RBM33: variants seen among roughly 807,000 people sequenced by gnomAD.
RBM33 encodes the protein RNA binding motif protein 33, also known as RNA-binding protein 33.
In RBM33, 28 loss-of-function variants were observed where a neutral mutation model predicts 132.6. The observed-to-expected ratio is 0.21, with a 90% CI of 0.16 to 0.29. The LOEUF (loss-of-function observed/expected upper bound fraction) is 0.29. Ranked by LOEUF, RBM33 falls within the 10% of genes least tolerant of loss-of-function variation. The pLI, the probability that RBM33 is intolerant of heterozygous loss-of-function variation, is 1.00. For synonymous variants in RBM33, 634 were observed against 593.0 expected (o/e 1.07, Z -1.01); for missense variants, 1,291 against 1,518.5 (o/e 0.85, Z 2.49).
rs777250309 is a variant in RBM33, at chr7:155,709,560, A to C, written c.949-1643A>C. On this transcript the variant is annotated intron_variant, in intron 7 of 17. Coordinates refer to ENST00000401878, the MANE Select transcript of RBM33 (RefSeq NM_053043.3). The stretch of plus-strand genomic sequence containing the variant: ...GTACCTCTCCAGACACATGTTTCAC[A>C]GGCCCTGAATGTCACTTGTTTAATC... Among the ~76,000 whole-genome samples the C allele has an allele frequency of 2.6e-5, 4 of 152,280 alleles. No individual in the cohort carries two copies. The East Asian group carries it at 7.7e-4, about 29-fold the overall frequency.
At chr7:155,696,462 T>G (rs749795515) in intron 5 of RBM33, among the ~76,000 whole-genome samples, 1 of 152,214 alleles carries the variant, frequency 6.6e-6, no homozygotes, top group Non-Finnish European at 1.5e-5. Flanking sequence ...CTAGAAACAT[T>G]CAGGACAGAC....
At chr7:155,653,484 G>T (rs143033619) in intron 1 of RBM33, among the ~76,000 whole-genome samples, 1 of 151,872 alleles carries the variant, frequency 6.6e-6, no homozygotes, top group African/African-American at 2.4e-5. Context: ...GCGGGGGTGG[G>T]GGCCCTAGAT....
At chr7:155,686,367 A>G (rs763091790) in intron 5 of RBM33, among the ~76,000 whole-genome samples, 36 of 152,232 alleles carry the variant, frequency 2.4e-4, no homozygotes, top group Non-Finnish European at 4.6e-4. Flanking sequence ...AGGAGAGAGA[A>G]GTAGACAGAA....
chr7:155,775,569 C>T lies in RBM33; in HGVS notation c.*528C>T. The stretch of plus-strand genomic sequence containing the variant: ...AAAATTTGGGTGATTGTTGATTGAC[C>T]TTTGCATACCCTGGAAAGCCAGGGT... On this transcript the variant is annotated 3_prime_UTR_variant, in exon 18 of 18. Transcript: ENST00000401878. The T allele has an allele frequency of 6.0e-6, 1 of 167,676 alleles. No homozygotes were observed. The highest frequency in any genetic ancestry group is 2.4e-5 in the African/African-American group (1 of 41,968). 10.4% of individuals were successfully genotyped at this position (167,676 alleles called of 1,614,324 possible). A position where few individuals can be genotyped will look rare whatever the true frequency, so the allele number is the denominator to read the frequency against.
chr7:155,647,490 G>A (rs756632310), intron 1 of RBM33, among the ~76,000 whole-genome samples: 5 of 152,056 alleles, frequency 3.3e-5, no homozygotes, highest in Non-Finnish European at 4.4e-5. Context: ...GAGTGCAGTC[G>A]TATAATCATG....
intron 5 of RBM33, among the ~76,000 whole-genome samples, chr7:155,692,501 T>C (rs116452270): frequency 4.9e-4 from 75 of 152,236 alleles, no homozygotes; most frequent in African/African-American, 1.7e-3. Flanking sequence ...ACATTCAGGG[T>C]TTCCTGTGCA....
At position 155,707,209 on chromosome 7, in the gene RBM33, T is replaced by C. The variant is rs1164546955; in HGVS notation, c.948+141T>C. 11 of 785,364 alleles carry C rather than the reference T, an allele frequency of 1.4e-5. No homozygotes were observed. The Admixed American group carries it at 2.2e-4, about 16-fold the overall frequency. 48.6% of individuals were successfully genotyped at this position (785,364 alleles called of 1,614,324 possible). On this transcript the variant is annotated intron_variant, in intron 7 of 17. Transcript: ENST00000401878. ...CAGGGGTAATGGCTGAAGTTTCTGC[T>C]TTATAGTCTCATGTGATGTTGCATA...
At chr7:155,762,210 G>T (rs1802060328) in intron 14 of RBM33, among the ~76,000 whole-genome samples, 1 of 152,164 alleles carries the variant, frequency 6.6e-6, no homozygotes, top group Non-Finnish European at 1.5e-5. Context: ...TCCTCATTAG[G>T]TTTCTCAGAT....
chr7:155,696,088 T>TTTTCTGTTG (rs879816646), intron 5 of RBM33, among the ~76,000 whole-genome samples: 3 of 152,216 alleles, frequency 2.0e-5, no homozygotes, highest in Admixed American at 1.3e-4. Flanking sequence ...TCTGGTTCTC[T>TTTTCTGTTG]TTTCTGTTGT....
rs757972490 is a variant in RBM33 at position 155,698,899 on chromosome 7, T to C, written c.568-1874T>C. ...TTTGGATGTACAAGAGTTTATCCAT[T>C]CATTCATTGAAGGACATTTAAGTGT... is the stretch of plus-strand genomic sequence containing the variant. On this transcript the variant is annotated intron_variant, in intron 5 of 17. Coordinates refer to ENST00000401878, the MANE Select transcript of RBM33 (RefSeq NM_053043.3). Among the ~76,000 whole-genome samples, 7 of 152,244 alleles carry C rather than the reference T, an allele frequency of 4.6e-5. 1 individual carries two copies. The highest frequency in any genetic ancestry group is 8.8e-5 in the Non-Finnish European group (6 of 68,042).
In RBM33 at chr7:155,644,717, A is replaced by G. The variant is rs901756603; in HGVS notation, c.-160A>G. On this transcript the variant is annotated 5_prime_UTR_variant, in exon 1 of 18. Coordinates refer to ENST00000401878, the MANE Select transcript of RBM33 (RefSeq NM_053043.3). ...TTGTTGTTTTCTTCCTGCGGAGGCG[A>G]AGGGCCAGCTGTGGACCGCGAAGCG... 11 of 508,378 alleles carry G rather than the reference A, an allele frequency of 2.2e-5. No individual in the cohort carries two copies. In the African/African-American group the frequency reaches 2.2e-4, roughly 10 times the overall value. 31.5% of individuals were successfully genotyped at this position (508,378 alleles called of 1,614,324 possible). A position where few individuals can be genotyped will look rare whatever the true frequency, so the allele number is the denominator to read the frequency against.
intron 12 of RBM33, among the ~76,000 whole-genome samples, chr7:155,740,229 AC>A (rs1801285630): frequency 2.6e-5 from 4 of 152,044 alleles, no homozygotes; most frequent in South Asian, 2.1e-4. Flanking sequence ...TTGATAAGAT[AC>A]TCCTTTTGTG....
chr7:155,709,247 C>G (rs545847563), intron 7 of RBM33, among the ~76,000 whole-genome samples: 1 of 152,058 alleles, frequency 6.6e-6, no homozygotes, highest in African/African-American at 2.4e-5. Context: ...GTACAGTGCA[C>G]TGTTACAGTA....
At chr7:155,725,132 A>G (rs1800753198) in intron 9 of RBM33, among the ~76,000 whole-genome samples, 1 of 146,556 alleles carries the variant, frequency 6.8e-6, no homozygotes, top group South Asian at 2.2e-4. Context: ...GACAGACTGT[A>G]TGCTTTTCAG....
chr7:155,746,563 C>T (rs962505969), intron 14 of RBM33: 3 of 152,192 alleles, frequency 2.0e-5, no homozygotes, highest in Non-Finnish European at 4.4e-5. Context: ...TAAAATAAAA[C>T]CAGTCACTGC....
chr7:155,674,641 T>TA (rs1478020727), intron 3 of RBM33, among the ~76,000 whole-genome samples: 1 of 152,136 alleles, frequency 6.6e-6, no homozygotes, highest in East Asian at 1.9e-4. Flanking sequence ...GATGGAGAAA[T>TA]ACTATTTGGT....
At chr7:155,766,045 A>T (rs1309494368) in intron 15 of RBM33, among the ~76,000 whole-genome samples, 1 of 152,150 alleles carries the variant, frequency 6.6e-6, no homozygotes, top group Non-Finnish European at 1.5e-5. Flanking sequence ...CACTGTGCAC[A>T]GCAGGTCCTG....
At chr7:155,733,831 C>T (rs1477338860) in intron 9 of RBM33, among the ~76,000 whole-genome samples, 4 of 152,226 alleles carry the variant, frequency 2.6e-5, no homozygotes, top group Non-Finnish European at 5.9e-5. Context: ...TGATTTAGAA[C>T]CCACTTCCCC....
At position 155,706,448 on chromosome 7, in the gene RBM33, C is replaced by T. The variant is rs549125194; in HGVS notation, c.740-412C>T. 2.0e-5 allele frequency among the ~76,000 whole-genome samples: 3 copies of T among 151,794 alleles called. No homozygotes were observed. In the South Asian group the frequency reaches 6.3e-4, roughly 32 times the overall value. ...GGTGGAGGTTGCAGCGAGCAGAGAT[C>T]ACGCCACTGTGCTCTAGCCAGGGCA... On this transcript the variant is annotated intron_variant, in intron 6 of 17. Transcript: ENST00000401878.
Sources: allele counts gnomAD v4.1 joint callset (sites outside exome capture counted in the v4.1 genomes callset), GRCh38; gene constraint gnomAD v4.1.1; transcripts MANE v1.5; gene names NCBI Gene and HGNC (gene_info 2026-07-23, HGNC 2026-07-21).